The following CD163L1 variants were observed in gnomAD, a reference collection of about 807,000 sequenced individuals.
CD163L1 encodes the protein CD163 molecule like 1, also known as scavenger receptor cysteine-rich type 1 protein M160.
A neutral mutation model predicts 165.4 loss-of-function variants in CD163L1; 124 were observed. That is an observed-to-expected ratio of 0.75 (90% CI 0.65 to 0.87). The LOEUF is 0.87. Ranked by LOEUF, CD163L1 falls within the 40% of genes least tolerant of loss-of-function variation. The pLI is 0.00. For synonymous variants in CD163L1, 585 were observed against 662.2 expected, an observed-to-expected ratio of 0.88 and a Z score of 1.79; for missense variants, 1,525 against 1,799.9, an observed-to-expected ratio of 0.85 and a Z score of 2.76.
downstream of CD163L1, among the ~76,000 whole-genome samples, chr12:7,345,249 T>C (rs1369692224): frequency 6.6e-6 from 1 of 152,112 alleles, no homozygotes; most frequent in Non-Finnish European, 1.5e-5. Context: ...CTCCTGTAGC[T>C]GAATATAGGC....
At position 7,437,009 on chromosome 12, in the gene CD163L1, T is replaced by C. The variant is rs111944262; in HGVS notation, c.125-3315A>G. Among the ~76,000 whole-genome samples, 335 of 150,712 alleles carry C rather than the reference T, an allele frequency of 2.2e-3. 1 individual carries two copies. The highest frequency in any genetic ancestry group is 7.6e-3 in the African/African-American group (315 of 41,366). On this transcript the variant is annotated intron_variant, in intron 2 of 19. Transcript: ENST00000313599. The stretch of plus-strand genomic sequence containing the variant: ...AGAACTATATAGGTAATAACCAATA[T>C]ATAAAATATAATGAAATAATTTTCT...
In CD163L1 at chr12:7,416,374, TC is replaced by T. The variant is rs2136563927; in HGVS notation, c.767-9523del. 2.0e-5 allele frequency among the ~76,000 whole-genome samples: 3 copies of T among 152,344 alleles called. No individual in the cohort carries two copies. The Middle Eastern group carries it at 0.01, about 518-fold the overall frequency. On this transcript the variant is annotated intron_variant, in intron 4 of 19. Coordinates refer to ENST00000313599, the MANE Select transcript of CD163L1 (RefSeq NM_174941.6). ...TTCTCTCATTTTGTAGGTTGACTAT[TC>T]ACTCTGATGATAGTTTTCTTTTGCT... is the stretch of plus-strand genomic sequence containing the variant.
At position 7,441,062 on chromosome 12, in the gene CD163L1, A is replaced by G. The variant is rs186287400; in HGVS notation, c.124+92T>C. ...GTCCAACATTATTTTTACATGTTCT[A>G]TTTCCCTCAAAATATGCACTTAGGG... On this transcript the variant is annotated intron_variant, in intron 2 of 19. Transcript: ENST00000313599. 1,894 of 843,562 alleles carry G rather than the reference A, an allele frequency of 2.2e-3. 44 individuals are homozygous for G. In the Admixed American group the frequency reaches 0.036, roughly 16 times the overall value. The allele number at this position is 843,562 out of a possible 1,614,324, so 52.3% of individuals were successfully genotyped here. A position where few individuals can be genotyped will look rare whatever the true frequency, so the allele number is the denominator to read the frequency against.
At chr12:7,373,816 T>G (rs1310955699) in intron 13 of CD163L1, among the ~76,000 whole-genome samples, 176 bp from the exon 14 acceptor site, 2 of 152,232 alleles carry the variant, frequency 1.3e-5, no homozygotes, top group African/African-American at 4.8e-5. Context: ...CTTGTAAGAT[T>G]TCAGGATGAG....
intron 9 of CD163L1, 110 bp from the exon 10 acceptor site, chr12:7,376,124 C>T: frequency 1.1e-6 from 1 of 913,350 alleles, no homozygotes. Context: ...ATCATTAGAA[C>T]ATCCCATTCG....
chr12:7,342,617 TG>T (rs1946644901), downstream of CD163L1, among the ~76,000 whole-genome samples: 1 of 152,038 alleles, frequency 6.6e-6, no homozygotes, highest in African/African-American at 2.4e-5. Context: ...TCAGCAAAAA[TG>T]TTCTATACAG....
At chr12:7,376,104 T>G (rs1482248606) in intron 9 of CD163L1, 90 bp from the exon 10 acceptor site, 1 of 1,163,242 alleles carries the variant, frequency 8.6e-7, no homozygotes, top group Non-Finnish European at 1.2e-6. Flanking sequence ...AGAGCAATTT[T>G]TCTCCATTCA....
At chr12:7,393,524 G>A (rs964402806) in intron 8 of CD163L1, among the ~76,000 whole-genome samples, 1 of 152,180 alleles carries the variant, frequency 6.6e-6, no homozygotes, top group Non-Finnish European at 1.5e-5. Context: ...AGACAAGAAT[G>A]CCCTCTCTTA....
chr12:7,414,780 A>G (rs1948204490), intron 4 of CD163L1, among the ~76,000 whole-genome samples: 1 of 152,126 alleles, frequency 6.6e-6, no homozygotes, highest in Non-Finnish European at 1.5e-5. Flanking sequence ...GAACCTTGCA[A>G]CCTAAGAGAG....
rs1382433085 is a variant in CD163L1, at chr12:7,379,040, A to T, written c.2309T>A (p.Ile770Lys). The T allele has an allele frequency of 6.2e-7, 1 of 1,614,046 alleles. No individual in the cohort carries two copies. Among genetic ancestry groups the T allele is most frequent in the Non-Finnish European group, 8.5e-7 (1 of 1,180,008 alleles). ...TGGEASLWDC[I>K]RWEWKQTACH... Reference sequence around the variant, plus strand: ...CGCAGTCTGTTTCCACTCCCATCGTATACAATCCCAGAGAGAGGCTTCCCC... The same window carrying T: ...CGCAGTCTGTTTCCACTCCCATCGTTTACAATCCCAGAGAGAGGCTTCCCC... The change falls in exon 9 of 20, where the codon ATA becomes AAA. Residue 770 changes from isoleucine to lysine, a missense_variant. Coordinates refer to ENST00000313599, the MANE Select transcript of CD163L1 (RefSeq NM_174941.6).
chr12:7,421,710 A>T (rs1183142903), intron 4 of CD163L1, among the ~76,000 whole-genome samples: 12 of 140,432 alleles, frequency 8.5e-5, no homozygotes, highest in Admixed American at 3.1e-4. Context: ...TGTGTACATA[A>T]ATACATATAC....
chr12:7,348,813 G>GTTT (rs11459242), intron 4 of CD163L1, among the ~76,000 whole-genome samples: 4 of 142,974 alleles, frequency 2.8e-5, no homozygotes, highest in Non-Finnish European at 4.6e-5. Context: ...TCCTTGTTAT[G>GTTT]TTTTTTTTTT....
At chr12:7,378,891 T>G (rs1271461586) in intron 9 of CD163L1, 87 bp downstream of exon 9, 1 of 1,254,806 alleles carries the variant, frequency 8.0e-7, no homozygotes, top group Non-Finnish European at 1.1e-6. Context: ...GACCTAATAC[T>G]GTTAAATAGC....
Position 7,374,308 on chromosome 12 carries a change from A to G in CD163L1, c.3409+134T>C. ...TATTAAGAAATCAGTATAAGAGAAT[A>G]GGATTAAAACCAAGTGGATTTTTTG... On this transcript the variant is annotated intron_variant, in intron 13 of 19. Coordinates refer to ENST00000313599, the MANE Select transcript of CD163L1 (RefSeq NM_174941.6). This position sits in a 1 kb window ranked among gnomAD's most constrained non-coding sequence, Gnocchi z 5.4. 1 of 830,770 alleles carries G rather than the reference A, an allele frequency of 1.2e-6. No individual in the cohort carries two copies. The highest frequency in any genetic ancestry group is 1.9e-6 in the Non-Finnish European group (1 of 536,638). The allele number at this position is 830,770 out of a possible 1,614,324, so 51.5% of individuals were successfully genotyped here. A position where few individuals can be genotyped will look rare whatever the true frequency, so the allele number is the denominator to read the frequency against.
chr12:7,324,155 C>CA, the CD163L1 span: 146,234 of 934,240 alleles, frequency 0.16, 676 homozygotes, highest in Middle Eastern at 0.17. Flanking sequence ...GACTCTGTCT[C>CA]AAAAAAAAAA....
intron 4 of CD163L1, among the ~76,000 whole-genome samples, chr12:7,410,018 T>A (rs746769181): frequency 6.6e-6 from 1 of 152,138 alleles, no homozygotes; most frequent in Admixed American, 6.5e-5. Flanking sequence ...AAGGCAAGAC[T>A]GAAAATTTTG....
chr12:7,421,913 T>C (rs1426304111), intron 4 of CD163L1, among the ~76,000 whole-genome samples: 1 of 151,490 alleles, frequency 6.6e-6, no homozygotes, highest in Non-Finnish European at 1.5e-5. Flanking sequence ...ACAAGGAGGG[T>C]TCTACTACCA....
At chr12:7,376,661 C>T (rs894872936) in intron 9 of CD163L1, among the ~76,000 whole-genome samples, 2 of 152,180 alleles carry the variant, frequency 1.3e-5, no homozygotes, top group Non-Finnish European at 2.9e-5. Flanking sequence ...GGAACTCCAT[C>T]ATTCCAGACA....
rs750679997 is a variant in CD163L1, at chr12:7,385,415, G to T, written c.2051-6117C>A. ...AGTGACTCAATTACAATAATAGTTG[G>T]CACTTCAACTATTCATCTCAATATT... On this transcript the variant is annotated intron_variant, in intron 8 of 19. Coordinates refer to ENST00000313599, the MANE Select transcript of CD163L1 (RefSeq NM_174941.6). Among the ~76,000 whole-genome samples the T allele has an allele frequency of 5.3e-5, 8 of 151,918 alleles. No individual in the cohort carries two copies. In the East Asian group the frequency reaches 1.5e-3, roughly 29 times the overall value.
Sources: gnomAD v4.1 joint callset for allele counts (sites outside exome capture counted in the v4.1 genomes callset) on GRCh38, gnomAD v4.1.1 for gene constraint, Gnocchi (gnomAD v3.1) non-coding constraint, MANE v1.5 for transcripts, NCBI Gene and HGNC (gene_info 2026-07-23, HGNC 2026-07-21) for gene names.